The following NRXN1 variants were observed in gnomAD, a reference collection of about 807,000 sequenced individuals.
The protein encoded by NRXN1 is neurexin-1.
Under a neutral mutation model 150.9 loss-of-function variants are expected in NRXN1, and 39 were observed. The ratio of observed to expected loss-of-function variants is 0.26; its 90% confidence interval spans 0.20 to 0.34. NRXN1 has a LOEUF of 0.34. NRXN1 is among the 10% of genes least tolerant of loss of function. The probability of loss-of-function intolerance (pLI) is 1.00; values close to 1 mark genes in which losing one functional copy is unlikely to be tolerated. For synonymous variants in NRXN1, 924 were observed against 757.0 expected (o/e 1.22, Z -3.62); for missense variants, 1,815 against 1,949.9 (o/e 0.93, Z 1.30).
intron 22 of NRXN1, among the ~76,000 whole-genome samples, chr2:49,938,659 C>A (rs1332489744): frequency 6.6e-6 from 1 of 152,148 alleles, no homozygotes; most frequent in African/African-American, 2.4e-5. Flanking sequence ...AGAGAATTGA[C>A]GTATTATTCT....
intron 10 of NRXN1, among the ~76,000 whole-genome samples, chr2:50,533,858 T>A (rs560959963): frequency 6.6e-6 from 1 of 152,308 alleles, no homozygotes; most frequent in Non-Finnish European, 1.5e-5. Context: ...AGGTCTCTGC[T>A]CAAATGTTAC....
chr2:50,234,839 C>T lies in NRXN1; in HGVS notation c.3546+1950G>A, dbSNP rs548618874. 1.4e-4 allele frequency among the ~76,000 whole-genome samples: 21 copies of T among 152,116 alleles called. No homozygotes were observed. The South Asian group carries it at 3.3e-3, about 24-fold the overall frequency. On this transcript the variant is annotated intron_variant, in intron 18 of 22. Coordinates refer to ENST00000401669, the MANE Select transcript of NRXN1 (RefSeq NM_001330078.2). ...CAGAAAGAAGAAGGCCTTCACAGTG[C>T]AGCTATCAGAAATCCATGGCTCGTA...
intron 5 of NRXN1, among the ~76,000 whole-genome samples, chr2:50,884,592 G>A (rs986438272): frequency 2.0e-5 from 3 of 151,530 alleles, no homozygotes; most frequent in Admixed American, 1.3e-4. Context: ...TTGTAGCTTC[G>A]TAGGAGATAA....
intron 5 of NRXN1, among the ~76,000 whole-genome samples, chr2:50,689,713 G>T (rs967361776): frequency 2.6e-5 from 4 of 152,070 alleles, no homozygotes; most frequent in Non-Finnish European, 5.9e-5. Context: ...GTCCAATGTA[G>T]GAAACAAATT....
At chr2:49,974,167 G>A (rs1390516205) in intron 21 of NRXN1, 2 of 711,682 alleles carry the variant, frequency 2.8e-6, no homozygotes, top group African/African-American at 3.5e-5. Context: ...GCCTATCAGT[G>A]CCCTGCACAC....
chr2:50,952,733 G>T (rs989477859), intron 2 of NRXN1, among the ~76,000 whole-genome samples: 9 of 152,148 alleles, frequency 5.9e-5, no homozygotes, highest in African/African-American at 2.2e-4. Context: ...ATGCAATTTG[G>T]CAGCAAATCA....
intron 10 of NRXN1, among the ~76,000 whole-genome samples, chr2:50,533,231 T>G (rs1218066752): frequency 6.6e-6 from 1 of 152,144 alleles, no homozygotes; most frequent in Non-Finnish European, 1.5e-5. Flanking sequence ...TCAACTCATA[T>G]GCTCACTCCT....
At chr2:50,920,717 G>A (rs1685899313) in intron 5 of NRXN1, among the ~76,000 whole-genome samples, 1 of 151,676 alleles carries the variant, frequency 6.6e-6, no homozygotes, top group Non-Finnish European at 1.5e-5. Flanking sequence ...TAAAATAATT[G>A]ATACATACTG....
chr2:50,313,273 T>A (rs2075325490), intron 17 of NRXN1, among the ~76,000 whole-genome samples: 1 of 152,102 alleles, frequency 6.6e-6, no homozygotes, highest in African/African-American at 2.4e-5. Context: ...ACTTCCCTAG[T>A]TCCCACCCTA....
intron 5 of NRXN1, among the ~76,000 whole-genome samples, chr2:50,674,268 T>C (rs1016972633): frequency 3.3e-5 from 5 of 152,004 alleles, no homozygotes. Context: ...AGAGCCTAAA[T>C]AAGGGCATAA....
intron 5 of NRXN1, among the ~76,000 whole-genome samples, chr2:50,820,930 G>A (rs1669638046): frequency 6.6e-6 from 1 of 152,208 alleles, no homozygotes; most frequent in African/African-American, 2.4e-5. Flanking sequence ...TATTAATCTT[G>A]AAACAGATAT....
intron 17 of NRXN1, among the ~76,000 whole-genome samples, chr2:50,311,209 C>CT: frequency 6.6e-6 from 1 of 152,130 alleles, no homozygotes; most frequent in Admixed American, 6.5e-5. Flanking sequence ...TAAAACAAAA[C>CT]TAATTTCAAA....
intron 21 of NRXN1, among the ~76,000 whole-genome samples, chr2:50,015,575 C>T (rs1325962815): frequency 6.7e-6 from 1 of 149,370 alleles, no homozygotes. Context: ...CAGCCTGGCC[C>T]TCTGTGTGTG....
intron 5 of NRXN1, among the ~76,000 whole-genome samples, chr2:50,670,426 T>G (rs1422040087): frequency 6.6e-6 from 1 of 151,940 alleles, no homozygotes; most frequent in East Asian, 1.9e-4. Context: ...AAGTATAACT[T>G]TCTTTTAAAA....
chr2:50,334,077 G>A (rs1358358195), intron 17 of NRXN1, among the ~76,000 whole-genome samples: 1 of 151,494 alleles, frequency 6.6e-6, no homozygotes, highest in African/African-American at 2.4e-5. Flanking sequence ...CTCATTCAAG[G>A]ATATGCTCCT....
chr2:50,017,024 T>C (rs1229115166), intron 21 of NRXN1, among the ~76,000 whole-genome samples: 1 of 152,174 alleles, frequency 6.6e-6, no homozygotes. Flanking sequence ...TGTTCTTTTT[T>C]CTCCAGCTTT....
rs113023033 is a variant in NRXN1 at position 50,035,034 on chromosome 2, G to A, written c.4128+18237C>T. Among the ~76,000 whole-genome samples the A allele has an allele frequency of 1.8e-4, 27 of 152,032 alleles. 1 individual carries two copies. Among genetic ancestry groups the A allele is most frequent in the African/African-American group, 5.5e-4 (23 of 41,498 alleles). ...TACCTTTCTTATATTTCATTCTTCC[G>A]TGTCATCACACAACAATGAAGGGTA... On this transcript the variant is annotated intron_variant, in intron 21 of 22. Coordinates refer to ENST00000401669, the MANE Select transcript of NRXN1 (RefSeq NM_001330078.2).
At chr2:50,123,006 G>T (rs987984972) in intron 18 of NRXN1, among the ~76,000 whole-genome samples, 10 of 152,052 alleles carry the variant, frequency 6.6e-5, no homozygotes, top group African/African-American at 2.4e-4. Flanking sequence ...AGATACTAAA[G>T]TATCTATAAT....
chr2:49,999,579 T>G (rs2152531756), intron 21 of NRXN1, among the ~76,000 whole-genome samples: 1 of 152,282 alleles, frequency 6.6e-6, no homozygotes, highest in East Asian at 1.9e-4. Context: ...CATCAATTTT[T>G]CAAATAAGTA....
Sources: gnomAD v4.1 joint callset for allele counts (sites outside exome capture counted in the v4.1 genomes callset) on GRCh38, gnomAD v4.1.1 for gene constraint, MANE v1.5 for transcripts, NCBI Gene and HGNC (gene_info 2026-07-23, HGNC 2026-07-21) for gene names.